The following PTPRD variants were observed in gnomAD, a reference collection of about 807,000 sequenced individuals.
PTPRD encodes receptor-type tyrosine-protein phosphatase delta.
In PTPRD, 34 loss-of-function variants were observed where a neutral mutation model predicts 214.5. The observed-to-expected ratio is 0.16, with a 90% CI of 0.12 to 0.21. The LOEUF (loss-of-function observed/expected upper bound fraction) is 0.21. Ranked by LOEUF, PTPRD falls within the 10% of genes least tolerant of loss-of-function variation. The pLI, the probability that PTPRD is intolerant of heterozygous loss-of-function variation, is 1.00. For missense variants in PTPRD, 2,545 were observed against 2,398.7 expected (o/e 1.06, Z -1.27); for synonymous variants, 1,128 against 845.7 (o/e 1.33, Z -5.79).
chr9:10,249,643 A>G (rs1266471463), intron 3 of PTPRD, among the ~76,000 whole-genome samples: 1 of 152,136 alleles, frequency 6.6e-6, no homozygotes, highest in Admixed American at 6.6e-5. Flanking sequence ...ATTTTTTCCA[A>G]CACATTTTCC....
intron 11 of PTPRD, among the ~76,000 whole-genome samples, chr9:8,970,947 A>G (rs2099234537): frequency 6.6e-6 from 1 of 151,724 alleles, no homozygotes; most frequent in Admixed American, 6.6e-5. Flanking sequence ...CAAAAAACAC[A>G]GAATTAACCG....
chr9:9,919,760 T>G (rs1218159019), intron 5 of PTPRD, among the ~76,000 whole-genome samples: 2 of 152,138 alleles, frequency 1.3e-5, no homozygotes, highest in African/African-American at 4.8e-5. Context: ...TATGACCTGG[T>G]GCTAACTATT....
intron 9 of PTPRD, among the ~76,000 whole-genome samples, chr9:9,274,407 C>T (rs1002859394): frequency 2.6e-5 from 4 of 151,362 alleles, no homozygotes; most frequent in African/African-American, 7.3e-5. Context: ...TAAATAGATA[C>T]TCAACCAATT....
intron 36 of PTPRD, among the ~76,000 whole-genome samples, chr9:8,402,765 T>C (rs749067590): frequency 6.6e-6 from 1 of 152,094 alleles, no homozygotes; most frequent in African/African-American, 2.4e-5. Flanking sequence ...TCCACATATG[T>C]TAATTACAGT....
At chr9:8,502,199 A>G (rs1014994370) in intron 23 of PTPRD, among the ~76,000 whole-genome samples, 1 of 152,168 alleles carries the variant, frequency 6.6e-6, no homozygotes, top group Admixed American at 6.5e-5. Context: ...CACAATTACT[A>G]TCATTATTTA....
At chr9:8,564,774 T>C (rs899789117) in intron 14 of PTPRD, among the ~76,000 whole-genome samples, 2 of 152,166 alleles carry the variant, frequency 1.3e-5, no homozygotes, top group East Asian at 3.9e-4. Context: ...TCTCCGGAAA[T>C]TTTTATTTAT....
At chr9:10,139,611 T>TCTGG (rs2098968411) in intron 3 of PTPRD, among the ~76,000 whole-genome samples, 1 of 151,826 alleles carries the variant, frequency 6.6e-6, no homozygotes, top group African/African-American at 2.4e-5. Context: ...CGAAATGAGC[T>TCTGG]GGAGATATGT....
chr9:9,470,053 G>A (rs1349673856), intron 8 of PTPRD, among the ~76,000 whole-genome samples: 1 of 152,126 alleles, frequency 6.6e-6, no homozygotes, highest in East Asian at 1.9e-4. Flanking sequence ...ATAAAGAGGA[G>A]GCTTTTATCT....
intron 2 of PTPRD, among the ~76,000 whole-genome samples, chr9:10,383,319 A>C (rs904915913): frequency 4.0e-5 from 6 of 151,836 alleles, no homozygotes; most frequent in Non-Finnish European, 5.9e-5. Context: ...TTAGGTTAAA[A>C]AGAGAATGCC....
At position 9,574,745 on chromosome 9, in the gene PTPRD, G is replaced by A. The variant is rs923553883; in HGVS notation, c.-250C>T. 11 of 151,986 alleles carry A rather than the reference G, an allele frequency of 7.2e-5. No individual in the cohort carries two copies. Among genetic ancestry groups the A allele is most frequent in the Non-Finnish European group, 1.3e-4 (9 of 67,912 alleles). The allele number at this position is 151,986 out of a possible 1,614,324, so 9.4% of individuals were successfully genotyped here. A position where few individuals can be genotyped will look rare whatever the true frequency, so the allele number is the denominator to read the frequency against. On this transcript the variant is annotated 5_prime_UTR_variant, in exon 8 of 46. Coordinates refer to ENST00000381196, the MANE Select transcript of PTPRD (RefSeq NM_002839.4). Reference sequence around the variant, plus strand: ...TTATAATCTTACCGTAAGCTCACAGGTTAGGAATTCGAAGAAAAAGTTCAC... The same window carrying A: ...TTATAATCTTACCGTAAGCTCACAGATTAGGAATTCGAAGAAAAAGTTCAC...
chr9:9,228,912 T>C (rs544134837), intron 9 of PTPRD, among the ~76,000 whole-genome samples: 1 of 152,236 alleles, frequency 6.6e-6, no homozygotes, highest in South Asian at 2.1e-4. Context: ...ATGTGAAGTG[T>C]AGATAGTTTA....
At chr9:9,741,706 T>C (rs2098405064) in intron 6 of PTPRD, among the ~76,000 whole-genome samples, 1 of 152,186 alleles carries the variant, frequency 6.6e-6, no homozygotes, top group African/African-American at 2.4e-5. Context: ...ATATGCAGTG[T>C]TTGGTTTTCT....
chr9:10,236,779 T>G (rs2099630386), intron 3 of PTPRD, among the ~76,000 whole-genome samples: 1 of 151,902 alleles, frequency 6.6e-6, no homozygotes, highest in Admixed American at 6.6e-5. Flanking sequence ...TTCAAAATAC[T>G]TCACAATATA....
chr9:9,487,529 A>G (rs1358736897), intron 8 of PTPRD, among the ~76,000 whole-genome samples: 1 of 151,524 alleles, frequency 6.6e-6, no homozygotes, highest in Non-Finnish European at 1.5e-5. Flanking sequence ...ATACATGTGC[A>G]TGTGTCTTTA....
chr9:9,156,906 A>G (rs2099881675), intron 10 of PTPRD, among the ~76,000 whole-genome samples: 2 of 152,192 alleles, frequency 1.3e-5, no homozygotes, highest in African/African-American at 4.8e-5. Context: ...TTCAAAGGAG[A>G]TAAGAAATAT....
At chr9:9,465,203 A>G (rs1438629005) in intron 8 of PTPRD, among the ~76,000 whole-genome samples, 2 of 152,194 alleles carry the variant, frequency 1.3e-5, no homozygotes, top group Non-Finnish European at 2.9e-5. Context: ...GTAATCATCA[A>G]TATAACAGCT....
intron 11 of PTPRD, among the ~76,000 whole-genome samples, chr9:8,778,861 GTAA>G (rs2095586820): frequency 6.6e-6 from 1 of 152,124 alleles, no homozygotes; most frequent in South Asian, 2.1e-4. Context: ...ATTCAGTGAA[GTAA>G]CACATGTAAA....
At chr9:8,595,770 C>T (rs1232593065) in intron 14 of PTPRD, among the ~76,000 whole-genome samples, 3 of 152,154 alleles carry the variant, frequency 2.0e-5, no homozygotes, top group African/African-American at 7.2e-5. Context: ...CTTGTTTTCA[C>T]TGAGCTTATA....
At chr9:9,986,247 C>A (rs936213022) in intron 4 of PTPRD, among the ~76,000 whole-genome samples, 3 of 152,016 alleles carry the variant, frequency 2.0e-5, no homozygotes, top group Non-Finnish European at 4.4e-5. Context: ...CCAAAAATTC[C>A]ACATCTAGGA....
Sources: gnomAD v4.1 joint callset for allele counts (sites outside exome capture counted in the v4.1 genomes callset) on GRCh38, gnomAD v4.1.1 for gene constraint, MANE v1.5 for transcripts, NCBI Gene and HGNC (gene_info 2026-07-23, HGNC 2026-07-21) for gene names.